GSPT1: variants seen among roughly 807,000 people sequenced by gnomAD.
The protein encoded by GSPT1 is G1 to S phase transition 1, also known as eukaryotic peptide chain release factor GTP-binding subunit ERF3A.
Under a neutral mutation model 72.5 loss-of-function variants are expected in GSPT1, and 20 were observed. The observed-to-expected ratio is 0.28, with a 90% CI of 0.19 to 0.40. The LOEUF (loss-of-function observed/expected upper bound fraction) is 0.40. Among genes scored for constraint, GSPT1 ranks in the 10% least tolerant of loss-of-function variants. The probability of loss-of-function intolerance (pLI) is 1.00; values close to 1 mark genes in which losing one functional copy is unlikely to be tolerated. For missense variants in GSPT1, 580 were observed against 811.9 expected, an observed-to-expected ratio of 0.71 and a Z score of 3.47; for synonymous variants, 334 against 293.5, an observed-to-expected ratio of 1.14 and a Z score of -1.41.
At chr16:11,889,208 T>C (rs2054222865) in intron 6 of GSPT1, among the ~76,000 whole-genome samples, 1 of 151,268 alleles carries the variant, frequency 6.6e-6, no homozygotes, top group East Asian at 2.0e-4. Context: ...CTTGGGAGGC[T>C]GAAGCAGGAG....
chr16:11,872,389 A>T lies in GSPT1; in HGVS notation c.*730T>A, dbSNP rs911921058. ...GTTACAATATAAATTGGCAAAAAAAAAAAAAATAAATAAATAACTAAAAGA... is the reference window on the plus strand; with the variant it reads ...GTTACAATATAAATTGGCAAAAAAATAAAAAATAAATAAATAACTAAAAGA... On this transcript the variant is annotated 3_prime_UTR_variant, in exon 15 of 15. Transcript: ENST00000434724. The T allele has an allele frequency of 4.0e-5, 6 of 151,778 alleles. No individual in the cohort carries two copies. The highest frequency in any genetic ancestry group is 1.9e-4 in the East Asian group (1 of 5,202). The allele number at this position is 151,778 out of a possible 1,614,324, so 9.4% of individuals were successfully genotyped here.
intron 1 of GSPT1, 177 bp downstream of exon 1, chr16:11,915,192 G>C: frequency 9.5e-7 from 1 of 1,056,678 alleles, no homozygotes. Flanking sequence ...CCACCGCCGC[G>C]GGCCGCCCCG....
chr16:11,897,971 A>G, intron 2 of GSPT1, 23 bp downstream of exon 2: 2 of 1,525,978 alleles, frequency 1.3e-6, no homozygotes, highest in Non-Finnish European at 1.8e-6. Flanking sequence ...TCTCAAGTAG[A>G]CTTTCAAAGA....
intron 1 of GSPT1, among the ~76,000 whole-genome samples, chr16:11,904,623 A>G (rs1320020812): frequency 2.6e-5 from 4 of 152,108 alleles, no homozygotes; most frequent in Non-Finnish European, 5.9e-5. Flanking sequence ...GCATATCCTC[A>G]CAGCATACGT....
At chr16:11,886,380 T>G in intron 9 of GSPT1, 91 bp downstream of exon 9, 1 of 763,942 alleles carries the variant, frequency 1.3e-6, no homozygotes, top group Admixed American at 2.9e-5. Context: ...CAAAAGCATA[T>G]GTTAACATGT....
intron 11 of GSPT1, 133 bp downstream of exon 11, chr16:11,882,882 G>C (rs1421236599): frequency 1.6e-6 from 1 of 609,760 alleles, no homozygotes; most frequent in Non-Finnish European, 2.9e-6. Flanking sequence ...AGGATTGCTT[G>C]AAAGTTTGAG....
At chr16:11,892,531 A>AAAAAAAAAAAAT (rs1567443313) in intron 5 of GSPT1, among the ~76,000 whole-genome samples, 10 of 139,860 alleles carry the variant, frequency 7.2e-5, no homozygotes, top group African/African-American at 2.6e-4. Flanking sequence ...AACAAAAAAA[A>AAAAAAAAAAAAT]CAAAAAATAA....
chr16:11,899,086 T>C (rs187374142), intron 1 of GSPT1, among the ~76,000 whole-genome samples: 1 of 152,318 alleles, frequency 6.6e-6, no homozygotes, highest in East Asian at 1.9e-4. Context: ...TACTCCAATA[T>C]GAACGTGCCC....
At chr16:11,892,166 A>C (rs991152723) in intron 5 of GSPT1, among the ~76,000 whole-genome samples, 27 of 151,228 alleles carry the variant, frequency 1.8e-4, no homozygotes, top group African/African-American at 6.3e-4. Context: ...CAACACAGTG[A>C]GACCATCTCC....
chr16:11,873,120 T>A lies in GSPT1; in HGVS notation c.1913A>T (p.Ter638LeuextTer4). The change falls in exon 15 of 15, where the codon TAA (stop) becomes TTA (leucine). Residue 638 changes from the stop codon to leucine, a stop_lost. Coordinates refer to ENST00000434724, the MANE Select transcript of GSPT1 (RefSeq NM_002094.4). Reference sequence around the variant, plus strand: ...TGTGCAGGGTCATCAAGAAAATGCTTAGTCTTTCTCTGGAACCAGTTTCAG... The same window carrying A: ...TGTGCAGGGTCATCAAGAAAATGCTAAGTCTTTCTCTGGAACCAGTTTCAG... ...KVLKLVPEKD* is the reference protein window; with the variant it reads ...KVLKLVPEKDL 6.3e-7 allele frequency: 1 copy of A among 1,578,154 alleles called. No individual in the cohort carries two copies. Among genetic ancestry groups the A allele is most frequent in the Non-Finnish European group, 8.7e-7 (1 of 1,147,626 alleles).
At chr16:11,892,515 A>ATAAAT (rs2054275606) in intron 5 of GSPT1, among the ~76,000 whole-genome samples, 1 of 132,676 alleles carries the variant, frequency 7.5e-6, no homozygotes, top group African/African-American at 3.1e-5. Flanking sequence ...TCAAAAAAAC[A>ATAAAT]AAAAAAACAA....
Position 11,897,908 on chromosome 16 carries a change from A to T in GSPT1, c.395-27T>A, listed in dbSNP as rs573029768. On this transcript the variant is annotated intron_variant, in intron 2 of 14. Transcript: ENST00000434724. ...TAGACAAGAGATTGAAATATAATAT[A>T]TATTTACCAAACAGTATCTAGCTTT... is the stretch of plus-strand genomic sequence containing the variant. The T allele has an allele frequency of 5.8e-5, 86 of 1,492,338 alleles. 1 individual carries two copies. The South Asian group carries it at 9.2e-4, about 16-fold the overall frequency. 92.4% of individuals were successfully genotyped at this position (1,492,338 alleles called of 1,614,324 possible).
chr16:11,894,827 A>C, intron 5 of GSPT1, 127 bp downstream of exon 5: 1 of 607,754 alleles, frequency 1.6e-6, no homozygotes, highest in Non-Finnish European at 3.0e-6. Context: ...TGTCCCAGTA[A>C]TTTTATTTTT....
At chr16:11,880,108 CTGTTT>C (rs2054103803) in intron 11 of GSPT1, 1 of 152,538 alleles carries the variant, frequency 6.6e-6, no homozygotes, top group Non-Finnish European at 1.5e-5. Context: ...CTTTTTGTGA[CTGTTT>C]TATTTCACAT....
chr16:11,909,979 T>A (rs142199193), intron 1 of GSPT1, among the ~76,000 whole-genome samples: 1 of 151,960 alleles, frequency 6.6e-6, no homozygotes, highest in Non-Finnish European at 1.5e-5. Flanking sequence ...GTGCCTATAG[T>A]CCTAGCTACT....
chr16:11,881,282 C>T (rs1323829681), intron 11 of GSPT1: 1 of 152,180 alleles, frequency 6.6e-6, no homozygotes, highest in Non-Finnish European at 1.5e-5. Flanking sequence ...GCTTGCTCAA[C>T]TCTAGGACAT....
rs1242980809 is a variant in GSPT1 at position 11,870,353 on chromosome 16, TTTA to T, written c.*2763_*2765del. ...TTATTTCAATATTTCTTAAATTCACTTTATTAATTTAAAAAACTAAATAATCGC... is the reference window on the plus strand; with the variant it reads ...TTATTTCAATATTTCTTAAATTCACTTTAATTTAAAAAACTAAATAATCGC... On this transcript the variant is annotated 3_prime_UTR_variant, in exon 15 of 15. Transcript: ENST00000434724. The T allele has an allele frequency of 2.0e-5, 3 of 152,346 alleles. No homozygotes were observed. The highest frequency in any genetic ancestry group is 2.9e-5 in the Non-Finnish European group (2 of 68,034). 9.4% of individuals were successfully genotyped at this position (152,346 alleles called of 1,614,324 possible).
intron 1 of GSPT1, among the ~76,000 whole-genome samples, chr16:11,910,738 C>T (rs1228395243): frequency 6.6e-6 from 1 of 152,194 alleles, no homozygotes; most frequent in Non-Finnish European, 1.5e-5. Flanking sequence ...TGTCTTTTCA[C>T]GCTGTGCAAC....
At chr16:11,893,205 C>A (rs929317904) in intron 5 of GSPT1, among the ~76,000 whole-genome samples, 1 of 151,844 alleles carries the variant, frequency 6.6e-6, no homozygotes, top group Non-Finnish European at 1.5e-5. Flanking sequence ...AGCTATAGTG[C>A]GCTATCATCC....
Sources: gnomAD v4.1 joint callset for allele counts (sites outside exome capture counted in the v4.1 genomes callset) on GRCh38, gnomAD v4.1.1 for gene constraint, MANE v1.5 for transcripts, NCBI Gene and HGNC (gene_info 2026-07-23, HGNC 2026-07-21) for gene names.